CYSLTR1: variants seen among roughly 807,000 people sequenced by gnomAD.
CYSLTR1 encodes the protein G-protein coupled receptor HG55.
A neutral mutation model predicts 2.1 loss-of-function variants in CYSLTR1; 1 was observed. The observed-to-expected ratio is 0.48, with a 90% confidence interval of 0.17 to 2.28. CYSLTR1 has a LOEUF of 2.28. Among genes scored for constraint, CYSLTR1 ranks in the 30% most tolerant of loss-of-function variants. The probability of loss-of-function intolerance (pLI) is 0.26; values close to 1 mark genes in which losing one functional copy is unlikely to be tolerated. For synonymous variants in CYSLTR1, 110 were observed against 89.6 expected, an observed-to-expected ratio of 1.23 and a Z score of -1.28; for missense variants, 299 against 250.1, an observed-to-expected ratio of 1.20 and a Z score of -1.32.
At chrX:78,281,180 G>A (rs1921826438) in intron 2 of CYSLTR1, among the ~76,000 whole-genome samples, 1 of 110,320 alleles carries the variant, frequency 9.1e-6, no homozygotes, top group African/African-American at 3.3e-5. Flanking sequence ...TACAATGGCT[G>A]ACCTAATTTA....
chrX:78,293,902 A>C (rs996480758), intron 1 of CYSLTR1, among the ~76,000 whole-genome samples: 1 of 111,249 alleles, frequency 9.0e-6, no homozygotes, highest in East Asian at 2.8e-4. Context: ...CAAGGTTTTT[A>C]GCTTCTTTGT....
chrX:78,306,604 C>A (rs1342766894), intron 1 of CYSLTR1, among the ~76,000 whole-genome samples: 2 of 111,719 alleles, frequency 1.8e-5, no homozygotes, highest in African/African-American at 6.5e-5. Flanking sequence ...TCTAATGAAG[C>A]AAATACAATA....
chrX:78,291,612 G>A (rs1046258999), intron 1 of CYSLTR1, among the ~76,000 whole-genome samples: 41 of 110,439 alleles, frequency 3.7e-4, no homozygotes, highest in Non-Finnish European at 6.4e-4. Flanking sequence ...TTGGTTGGTA[G>A]GCTATTAATT....
intron 1 of CYSLTR1, among the ~76,000 whole-genome samples, chrX:78,316,808 T>C (rs758785947): frequency 8.9e-6 from 1 of 112,197 alleles, no homozygotes; most frequent in South Asian, 3.7e-4. Context: ...ACTGGATCCT[T>C]GTCTTTCACT....
At chrX:78,299,862 C>G in intron 1 of CYSLTR1, among the ~76,000 whole-genome samples, 1 of 111,483 alleles carries the variant, frequency 9.0e-6, no homozygotes, top group Non-Finnish European at 1.9e-5. Context: ...CTGATACTAT[C>G]CCTTTGAACA....
intron 2 of CYSLTR1, among the ~76,000 whole-genome samples, chrX:78,275,097 G>A (rs1921520185): frequency 1.8e-5 from 2 of 111,801 alleles, no homozygotes; most frequent in South Asian, 7.5e-4. Flanking sequence ...TGGAGAGGAT[G>A]TGGAGAAATA....
At chrX:78,306,397 C>A (rs1436224863) in intron 1 of CYSLTR1, among the ~76,000 whole-genome samples, 9 of 111,186 alleles carry the variant, frequency 8.1e-5, no homozygotes, top group Non-Finnish European at 1.5e-4. Context: ...CTCCTGACCT[C>A]AGGTGATCTG....
chrX:78,327,507 A>T lies in CYSLTR1; in HGVS notation c.-317T>A, dbSNP rs2147281214. The T allele has an allele frequency of 8.9e-6, 1 of 111,976 alleles. No individual in the cohort carries two copies. The highest frequency in any genetic ancestry group is 2.8e-4 in the East Asian group (1 of 3,572). The allele number at this position is 111,976 out of a possible 1,213,427, so 9.2% of individuals were successfully genotyped here. A position where few individuals can be genotyped will look rare whatever the true frequency, so the allele number is the denominator to read the frequency against. ...TCTATAGGCAAGCTTCTTTGCAAAG[A>T]TGGGTTGCTGCTATTTTTAAGAGGG... On this transcript the variant is annotated 5_prime_UTR_variant, in exon 1 of 3. Transcript: ENST00000373304.
intron 1 of CYSLTR1, among the ~76,000 whole-genome samples, chrX:78,309,262 CCTT>C (rs1255171475): frequency 9.0e-6 from 1 of 111,427 alleles, no homozygotes; most frequent in Non-Finnish European, 1.9e-5. Context: ...ATTGATCACA[CCTT>C]CTCCCTTTTT....
Position 78,271,942 on chromosome X carries a change from AGTGCC to A in CYSLTR1, c.*786_*790del. 1 of 111,871 alleles carries A rather than the reference AGTGCC, an allele frequency of 8.9e-6. No homozygotes were observed. Among genetic ancestry groups the A allele is most frequent in the African/African-American group, 3.2e-5 (1 of 30,824 alleles). The allele number at this position is 111,871 out of a possible 1,213,427, so 9.2% of individuals were successfully genotyped here. On this transcript the variant is annotated 3_prime_UTR_variant, in exon 3 of 3. Transcript: ENST00000373304. ...TTAATTACTTCTATTTATATATAGG[AGTGCC>A]AGTTGTCTGGCTTCTTAAGGAAGAA...
intron 1 of CYSLTR1, among the ~76,000 whole-genome samples, chrX:78,305,013 C>T (rs887742405): frequency 9.9e-5 from 11 of 111,425 alleles, no homozygotes; most frequent in Non-Finnish European, 1.3e-4. Context: ...AATATCAGCC[C>T]GACCCTCAGT....
intron 2 of CYSLTR1, among the ~76,000 whole-genome samples, chrX:78,275,624 T>G (rs1340165922): frequency 4.6e-5 from 5 of 109,115 alleles, no homozygotes; most frequent in African/African-American, 1.7e-4. Flanking sequence ...GAGATACACC[T>G]AAGGTAAATG....
intron 1 of CYSLTR1, among the ~76,000 whole-genome samples, chrX:78,307,381 C>T (rs940671318): frequency 1.8e-5 from 2 of 111,717 alleles, no homozygotes; most frequent in African/African-American, 6.5e-5. Flanking sequence ...CCTTCAGGCC[C>T]TTGACACATG....
intron 1 of CYSLTR1, among the ~76,000 whole-genome samples, chrX:78,294,010 A>T (rs1295468235): frequency 8.9e-6 from 1 of 111,917 alleles, no homozygotes; most frequent in South Asian, 3.7e-4. Context: ...TCTCTGTCCA[A>T]CTTTGTTCCA....
rs1238767573 is a variant in CYSLTR1 at position 78,273,231 on chromosome X, C to T, written c.516G>A (p.Lys172=). The change falls in exon 3 of 3, where the codon AAG becomes AAA. Residue 172 remains lysine (K), a synonymous_variant. Transcript: ENST00000373304. ...KPQKDEKNNT[K]CFEPPQDNQT... ...GATTGTCTTGTGGGGGCTCAAAGCACTTGGTATTATTTTTCTCATCTTTTT... is the reference window on the plus strand; with the variant it reads ...GATTGTCTTGTGGGGGCTCAAAGCATTTGGTATTATTTTTCTCATCTTTTT... 8.3e-7 allele frequency: 1 copy of T among 1,208,761 alleles called. No homozygotes were observed. The highest frequency in any genetic ancestry group is 1.1e-6 in the Non-Finnish European group (1 of 894,884).
intron 2 of CYSLTR1, among the ~76,000 whole-genome samples, chrX:78,275,511 C>T (rs1267056668): frequency 4.7e-5 from 5 of 105,790 alleles, no homozygotes; most frequent in East Asian, 3.0e-4. Flanking sequence ...TGTTCTCACT[C>T]ATAGGTGGGA....
chrX:78,287,667 CA>C (rs760711510), intron 1 of CYSLTR1, among the ~76,000 whole-genome samples: 1 of 111,223 alleles, frequency 9.0e-6, no homozygotes, highest in Non-Finnish European at 1.9e-5. Context: ...AGAAGCCAGA[CA>C]AAAAAGAATC....
At chrX:78,323,293 C>T (rs950767649) in intron 1 of CYSLTR1, among the ~76,000 whole-genome samples, 2 of 112,166 alleles carry the variant, frequency 1.8e-5, no homozygotes, top group African/African-American at 6.5e-5. Context: ...TTACAGCTAA[C>T]TCTGAGGCCT....
intron 1 of CYSLTR1, among the ~76,000 whole-genome samples, chrX:78,297,791 ATTGTT>A (rs1922637804): frequency 9.0e-6 from 1 of 111,066 alleles, no homozygotes; most frequent in Admixed American, 9.5e-5. Flanking sequence ...TAGCTCAAGG[ATTGTT>A]AATTTTGCTT....
Sources: gnomAD v4.1 joint callset for allele counts (sites outside exome capture counted in the v4.1 genomes callset) on GRCh38, gnomAD v4.1.1 for gene constraint, MANE v1.5 for transcripts, NCBI Gene and HGNC (gene_info 2026-07-23, HGNC 2026-07-21) for gene names.